SCN1A: variants seen among roughly 807,000 people sequenced by gnomAD.
SCN1A encodes sodium channel protein type 1 subunit alpha.
Under a neutral mutation model 193.7 loss-of-function variants are expected in SCN1A, and 13 were observed. The ratio of observed to expected loss-of-function variants is 0.07; its 90% CI spans 0.04 to 0.11. The LOEUF is 0.11. SCN1A is among the 10% of genes least tolerant of loss of function. The pLI is 1.00. For missense variants in SCN1A, 1,432 were observed against 2,451.1 expected (o/e 0.58, Z 8.78); for synonymous variants, 781 against 843.6 (o/e 0.93, Z 1.29).
intron 24 of SCN1A, among the ~76,000 whole-genome samples, chr2:166,001,879 CTTTTTTT>C (rs71393699): frequency 6.5e-5 from 3 of 46,404 alleles, no homozygotes; most frequent in East Asian, 1.1e-3. Context: ...AATTCTCTCT[CTTTTTTT>C]TTTTTTTTTT....
chr2:166,132,048 C>T (rs890233268), upstream of SCN1A, among the ~76,000 whole-genome samples: 5 of 152,068 alleles, frequency 3.3e-5, no homozygotes, highest in African/African-American at 1.2e-4. Context: ...CTCTTCCCAC[C>T]GCAGGAAAGG....
In SCN1A at chr2:165,987,454, A is replaced by G. The variant is rs1688680262; in HGVS notation, c.*3791T>C. The G allele has an allele frequency of 6.6e-6, 1 of 152,126 alleles. No individual in the cohort carries two copies. Among genetic ancestry groups the G allele is most frequent in the Non-Finnish European group, 1.5e-5 (1 of 68,008 alleles). 9.4% of individuals were successfully genotyped at this position (152,126 alleles called of 1,614,324 possible). On this transcript the variant is annotated 3_prime_UTR_variant, in exon 29 of 29. Coordinates refer to ENST00000674923, the MANE Select transcript of SCN1A (RefSeq NM_001165963.4). Reference sequence around the variant, plus strand: ...TCATTGATGATTCTTGTATGAATCAATTGTCATTAGGGTGATTGCCAAATA... The same window carrying G: ...TCATTGATGATTCTTGTATGAATCAGTTGTCATTAGGGTGATTGCCAAATA...
chr2:165,984,683 C>CA (rs1281813518), downstream of SCN1A: 10 of 152,028 alleles, frequency 6.6e-5, no homozygotes, highest in East Asian at 1.9e-3. Flanking sequence ...CAAAAAAACC[C>CA]ATCACAGTGA....
intron 2 of SCN1A, among the ~76,000 whole-genome samples, chr2:166,095,037 A>T (rs1687226350): frequency 6.6e-6 from 1 of 152,214 alleles, no homozygotes; most frequent in South Asian, 2.1e-4. Flanking sequence ...TGTAAGTCAG[A>T]TCAAATAATT....
intron 1 of SCN1A, chr2:166,137,431 C>T (rs1212877675): frequency 1.3e-5 from 2 of 152,148 alleles, no homozygotes. Context: ...TAGGAGGAAC[C>T]TGGTGGGAGG....
chr2:166,067,777 C>T (rs913352063), intron 4 of SCN1A, among the ~76,000 whole-genome samples: 1 of 147,380 alleles, frequency 6.8e-6, no homozygotes, highest in Non-Finnish European at 1.5e-5. Flanking sequence ...TAAATCTCTG[C>T]CCCACTGTCT....
At chr2:166,125,486 C>T (rs546827903) in intron 2 of SCN1A, among the ~76,000 whole-genome samples, 36 of 152,160 alleles carry the variant, frequency 2.4e-4, no homozygotes, top group Non-Finnish European at 3.8e-4. Flanking sequence ...TGGTTGGTGA[C>T]GTCCTAGAGG....
chr2:166,097,644 T>C (rs1687540979), intron 2 of SCN1A, among the ~76,000 whole-genome samples: 1 of 152,196 alleles, frequency 6.6e-6, no homozygotes, highest in South Asian at 2.1e-4. Flanking sequence ...TGCAGTGGCA[T>C]GATCATAGCT....
chr2:166,003,508 G>A (rs1691218796), intron 23 of SCN1A, among the ~76,000 whole-genome samples: 1 of 150,818 alleles, frequency 6.6e-6, no homozygotes, highest in Non-Finnish European at 1.5e-5. Flanking sequence ...GAAGTTCTGT[G>A]TTCAATTATT....
intron 4 of SCN1A, among the ~76,000 whole-genome samples, chr2:166,071,070 A>G (rs1684369885): frequency 6.6e-6 from 1 of 152,216 alleles, no homozygotes; most frequent in African/African-American, 2.4e-5. Flanking sequence ...TGAATAAACT[A>G]AAAGTATCCA....
intron 18 of SCN1A, 42 bp from the exon 19 acceptor site, chr2:166,036,572 T>C: frequency 6.3e-7 from 1 of 1,582,064 alleles, no homozygotes; most frequent in Non-Finnish European, 8.7e-7. Flanking sequence ...TACACCAATG[T>C]AGGGAAGAGC....
At chr2:166,006,995 G>A (rs764924787) in intron 23 of SCN1A, among the ~76,000 whole-genome samples, 5 of 150,050 alleles carry the variant, frequency 3.3e-5, no homozygotes, top group Non-Finnish European at 7.4e-5. Flanking sequence ...CATATTCAAT[G>A]AAACTTAATA....
At chr2:166,092,133 AAT>A (rs1456873497) in intron 2 of SCN1A, among the ~76,000 whole-genome samples, 2 of 152,188 alleles carry the variant, frequency 1.3e-5, no homozygotes, top group Non-Finnish European at 2.9e-5. Flanking sequence ...GAACTTAAAT[AAT>A]ATGGCATATT....
rs764054718 is a variant in SCN1A at position 166,056,400 on chromosome 2, G to A, written c.473+11C>T. ...TGTATATATGTTATTAAAAATATAA[G>A]TTGAACTTACTCTACATTCTTTGTC... On this transcript the variant is annotated intron_variant, in intron 6 of 28. Transcript: ENST00000674923. 6.7e-7 allele frequency: 1 copy of A among 1,502,576 alleles called. No homozygotes were observed. Among genetic ancestry groups the A allele is most frequent in the Non-Finnish European group, 9.3e-7 (1 of 1,079,128 alleles). The allele number at this position is 1,502,576 out of a possible 1,614,324, so 93.1% of individuals were successfully genotyped here.
intron 2 of SCN1A, among the ~76,000 whole-genome samples, chr2:166,108,026 G>A (rs918131723): frequency 2.6e-4 from 39 of 151,772 alleles, no homozygotes; most frequent in Admixed American, 1.8e-3. Context: ...TTGAAAGAAC[G>A]TATTTGCAAA....
At chr2:166,141,307 ATTT>A (rs67088633) in intron 1 of SCN1A, among the ~76,000 whole-genome samples, 12 of 150,738 alleles carry the variant, frequency 8.0e-5, no homozygotes, top group South Asian at 2.1e-4. Context: ...ATCGCTGTTA[ATTT>A]TTTTTTTTTT....
At position 166,045,076 on chromosome 2, in the gene SCN1A, C is replaced by T; in HGVS notation, c.1629G>A (p.Leu543=). The stretch of plus-strand genomic sequence containing the variant: ...GGGAGGAGTACCTCTTTTCATATGT[C>T]AATCGGTTCCCTTCAATGGAGAAGC... ...GFRFSIEGNR[L]TYEKRYSSPH... Residue 543 remains leucine, a synonymous_variant, in exon 13 of 29, where the codon TTG becomes TTA. Transcript: ENST00000674923. The T allele has an allele frequency of 6.2e-7, 1 of 1,614,156 alleles. No individual in the cohort carries two copies. Among genetic ancestry groups the T allele is most frequent in the Non-Finnish European group, 8.5e-7 (1 of 1,180,006 alleles).
chr2:166,042,494 G>A, intron 14 of SCN1A, 70 bp from the exon 15 acceptor site: 3 of 1,442,888 alleles, frequency 2.1e-6, no homozygotes, highest in South Asian at 2.3e-5. Flanking sequence ...ACCAAATGGT[G>A]ACACAGTGAA....
At chr2:166,061,392 G>C (rs577007957) in intron 4 of SCN1A, among the ~76,000 whole-genome samples, 3 of 152,268 alleles carry the variant, frequency 2.0e-5, no homozygotes, top group Admixed American at 1.3e-4. Flanking sequence ...GAAGTAAAAA[G>C]AGCAGAGGAT....
Sources: gnomAD v4.1 joint callset for allele counts (sites outside exome capture counted in the v4.1 genomes callset) on GRCh38, gnomAD v4.1.1 for gene constraint, MANE v1.5 for transcripts, NCBI Gene and HGNC (gene_info 2026-07-23, HGNC 2026-07-21) for gene names.